Variants in PALLD observed in about 807,000 individuals in gnomAD.
PALLD encodes palladin, cytoskeletal associated protein.
PALLD carries 61 observed loss-of-function variants against 123.5 expected under a neutral mutation model. That is an observed-to-expected ratio of 0.49 (90% CI 0.40 to 0.61). The LOEUF is 0.61. Among genes scored for constraint, PALLD ranks in the 20% least tolerant of loss-of-function variants. The probability of loss-of-function intolerance (pLI) is 0.00; values close to 1 mark genes in which losing one functional copy is unlikely to be tolerated. For missense variants in PALLD, 1,273 were observed against 1,377.0 expected, an observed-to-expected ratio of 0.92 and a Z score of 1.20; for synonymous variants, 465 against 496.4, an observed-to-expected ratio of 0.94 and a Z score of 0.84.
chr4:168,715,733 G>A (rs1785287712), intron 10 of PALLD, among the ~76,000 whole-genome samples: 1 of 152,246 alleles, frequency 6.6e-6, no homozygotes, highest in Middle Eastern at 3.4e-3. Flanking sequence ...GGCGGATCAC[G>A]AGGTCAGGAG....
At chr4:168,499,905 C>CTAA (rs70961529) in intron 1 of PALLD, among the ~76,000 whole-genome samples, 13 of 151,832 alleles carry the variant, frequency 8.6e-5, no homozygotes, top group South Asian at 2.1e-4. Flanking sequence ...TTCATCGACT[C>CTAA]AAAGTATTTC....
chr4:168,901,750 C>CA (rs1207289274), intron 14 of PALLD, among the ~76,000 whole-genome samples: 6 of 152,068 alleles, frequency 3.9e-5, no homozygotes, highest in African/African-American at 1.5e-4. Context: ...CCCAGCTACT[C>CA]AGGAGGCTGA....
intron 2 of PALLD, 70 bp from the exon 3 acceptor site, chr4:168,668,120 G>A: frequency 8.0e-7 from 1 of 1,250,554 alleles, no homozygotes; most frequent in Non-Finnish European, 1.2e-6. Flanking sequence ...CTTCACTTCT[G>A]CTTTATTGTT....
intron 3 of PALLD, among the ~76,000 whole-genome samples, chr4:168,675,923 G>T (rs546851484): frequency 3.3e-5 from 5 of 152,224 alleles, no homozygotes; most frequent in African/African-American, 7.2e-5. Context: ...AGGCATGGTG[G>T]TGCACACCTG....
At chr4:168,655,049 A>G (rs1411404617) in intron 2 of PALLD, among the ~76,000 whole-genome samples, 1 of 152,130 alleles carries the variant, frequency 6.6e-6, no homozygotes, top group East Asian at 1.9e-4. Context: ...GACATTCACA[A>G]TTTTAGCCAG....
At chr4:168,593,928 C>G (rs930825115) in intron 2 of PALLD, among the ~76,000 whole-genome samples, 1 of 152,138 alleles carries the variant, frequency 6.6e-6, no homozygotes, top group Non-Finnish European at 1.5e-5. Context: ...CCAAAGTGCT[C>G]TGCTATGGAA....
intron 10 of PALLD, among the ~76,000 whole-genome samples, chr4:168,742,282 C>G (rs1326613046): frequency 1.3e-5 from 2 of 152,094 alleles, no homozygotes; most frequent in African/African-American, 2.4e-5. Flanking sequence ...TTTATCTGAC[C>G]TATGCTGTGT....
chr4:168,729,467 G>A (rs866769975), intron 10 of PALLD, among the ~76,000 whole-genome samples: 1 of 152,080 alleles, frequency 6.6e-6, no homozygotes, highest in Non-Finnish European at 1.5e-5. Flanking sequence ...CCTGGCCTGG[G>A]CATCTTCTTA....
At chr4:168,681,436 A>C in intron 4 of PALLD, 38 bp downstream of exon 4, 1 of 1,316,948 alleles carries the variant, frequency 7.6e-7, no homozygotes, top group Non-Finnish European at 1.1e-6. Flanking sequence ...GTGGAAACAA[A>C]GAATGGCAAC....
At chr4:168,860,265 G>A (rs1260265785) in intron 10 of PALLD, among the ~76,000 whole-genome samples, 1 of 152,194 alleles carries the variant, frequency 6.6e-6, no homozygotes, top group East Asian at 1.9e-4. Context: ...TGATATGGTG[G>A]AGAAGGATCT....
chr4:168,588,813 A>G (rs1232081448), intron 2 of PALLD, among the ~76,000 whole-genome samples: 1 of 150,412 alleles, frequency 6.6e-6, no homozygotes, highest in Non-Finnish European at 1.5e-5. Context: ...TTTGTTTAAA[A>G]AAATAGCCGT....
intron 10 of PALLD, among the ~76,000 whole-genome samples, chr4:168,789,808 C>T (rs4635781): frequency 0.32 from 49,323 of 151,860 alleles, 8,389 homozygotes; most frequent in East Asian, 0.56. Flanking sequence ...ATTTAACTCA[C>T]TAGCAGAGTG....
At chr4:168,686,596 T>C (rs1183429475) in intron 6 of PALLD, 1 of 152,364 alleles carries the variant, frequency 6.6e-6, no homozygotes, top group South Asian at 2.1e-4. Context: ...ATAGTGTATA[T>C]GAGCCACATT....
chr4:168,910,079 AT>A (rs1758596395), intron 15 of PALLD, among the ~76,000 whole-genome samples: 1 of 152,146 alleles, frequency 6.6e-6, no homozygotes, highest in African/African-American at 2.4e-5. Context: ...AATGATAACT[AT>A]TCCTTTTTCT....
chr4:168,744,232 A>G (rs1020936755), intron 10 of PALLD, among the ~76,000 whole-genome samples: 1 of 152,160 alleles, frequency 6.6e-6, no homozygotes, highest in South Asian at 2.1e-4. Flanking sequence ...GTGCGTGTCC[A>G]GGAAGAGAGT....
chr4:168,709,816 A>T (rs1784661383), intron 9 of PALLD, among the ~76,000 whole-genome samples: 1 of 152,028 alleles, frequency 6.6e-6, no homozygotes, highest in South Asian at 2.1e-4. Flanking sequence ...ATGATCGTGT[A>T]GCAACTGAAC....
intron 10 of PALLD, among the ~76,000 whole-genome samples, chr4:168,774,264 A>C (rs1734854108): frequency 6.6e-6 from 1 of 152,196 alleles, no homozygotes; most frequent in Admixed American, 6.5e-5. Flanking sequence ...CAAAGTCAGC[A>C]TTGTATTAAC....
intron 2 of PALLD, among the ~76,000 whole-genome samples, chr4:168,561,950 C>T (rs11723734): frequency 0.025 from 3,819 of 152,278 alleles, 159 homozygotes; most frequent in African/African-American, 0.086. Flanking sequence ...ATTTAAATTA[C>T]ATGTATTTGC....
chr4:168,698,805 AT>A (rs1166725664), intron 8 of PALLD, among the ~76,000 whole-genome samples: 1 of 152,102 alleles, frequency 6.6e-6, no homozygotes, highest in Non-Finnish European at 1.5e-5. Flanking sequence ...TCACTACTTA[AT>A]TTTTTTAAAC....
Sources: gnomAD v4.1 joint callset for allele counts (sites outside exome capture counted in the v4.1 genomes callset) on GRCh38, gnomAD v4.1.1 for gene constraint, MANE v1.5 for transcripts, NCBI Gene and HGNC (gene_info 2026-07-23, HGNC 2026-07-21) for gene names.